Variants in ATP10A observed in about 807,000 individuals in gnomAD.
The protein encoded by ATP10A is phospholipid-transporting ATPase VA.
Under a neutral mutation model 147.8 loss-of-function variants are expected in ATP10A, and 111 were observed. The ratio of observed to expected loss-of-function variants is 0.75; its 90% CI spans 0.64 to 0.88. The LOEUF (loss-of-function observed/expected upper bound fraction) is 0.88. ATP10A is among the 40% of genes least tolerant of loss of function. The pLI, the probability that ATP10A is intolerant of heterozygous loss-of-function variation, is 0.00. For synonymous variants in ATP10A, 875 were observed against 841.6 expected (o/e 1.04, Z -0.69); for missense variants, 1,927 against 1,959.0 (o/e 0.98, Z 0.31).
At chr15:25,819,442 C>A (rs901285588) in intron 1 of ATP10A, among the ~76,000 whole-genome samples, 1 of 151,876 alleles carries the variant, frequency 6.6e-6, no homozygotes, top group Non-Finnish European at 1.5e-5. Flanking sequence ...GGTGAGACTG[C>A]AGAGAAAAGG....
At chr15:25,808,083 T>G (rs919005427) in intron 1 of ATP10A, among the ~76,000 whole-genome samples, 1 of 152,252 alleles carries the variant, frequency 6.6e-6, no homozygotes, top group Non-Finnish European at 1.5e-5. Context: ...ATTTAACTCT[T>G]TGTTTTCATG....
In ATP10A at chr15:25,862,709, C is replaced by T; in HGVS notation, c.388G>A (p.Asp130Asn). The T allele has an allele frequency of 6.2e-7, 1 of 1,610,912 alleles. No individual in the cohort carries two copies. Among genetic ancestry groups the T allele is most frequent in the Non-Finnish European group, 8.5e-7 (1 of 1,178,482 alleles). ...TGGTCGGAGCGGTGGCGGCTGTAGTCCTCCCACAGGTCCCTGAAGGCCGTG... is the reference window on the plus strand; with the variant it reads ...TGGTCGGAGCGGTGGCGGCTGTAGTTCTCCCACAGGTCCCTGAAGGCCGTG... ...AITAFRDLWE[D>N]YSRHRSDHKI... Residue 130 changes from aspartate (D) to asparagine (N), a missense_variant, in exon 1 of 21, where the codon GAC becomes AAC. Asp to Asn is a conservative substitution (Grantham distance 23). Transcript: ENST00000555815.
intron 2 of ATP10A, among the ~76,000 whole-genome samples, chr15:25,764,363 G>A (rs991771180): frequency 3.3e-5 from 5 of 152,194 alleles, no homozygotes; most frequent in Admixed American, 1.3e-4. Context: ...TAGAATGTAT[G>A]TGTTTGAGTC....
At chr15:25,810,780 G>A (rs943104853) in intron 1 of ATP10A, among the ~76,000 whole-genome samples, 6 of 152,094 alleles carry the variant, frequency 3.9e-5, no homozygotes, top group Non-Finnish European at 5.9e-5. Context: ...ATTCCAACAC[G>A]AGGAATCGAG....
At chr15:25,702,148 C>T (rs779824620) in intron 12 of ATP10A, 48 bp from the exon 13 acceptor site, 55 of 1,555,172 alleles carry the variant, frequency 3.5e-5, no homozygotes, top group South Asian at 6.1e-5. Context: ...TCACGTGCCC[C>T]CCAATCCTTC....
At position 25,781,165 on chromosome 15, in the gene ATP10A, G is replaced by A. The variant is rs1567379263; in HGVS notation, c.508C>T (p.Arg170Cys). ...WKEIHVGDFV[R>C]LRCNEIFPAD... ...GGGAAGATTTCGTTGCAGCGAAGACGCACAAAGTCTCCCACGTGGATTTCT... is the reference window on the plus strand; with the variant it reads ...GGGAAGATTTCGTTGCAGCGAAGACACACAAAGTCTCCCACGTGGATTTCT... Residue 170 changes from arginine (R) to cysteine (C), a missense_variant, in exon 2 of 21, where the codon CGT (arginine) becomes TGT (cysteine). By Grantham distance (180) the Arg-to-Cys change is radical (BLOSUM62 -3). Coordinates refer to ENST00000555815, the MANE Select transcript of ATP10A (RefSeq NM_024490.4). 2.5e-6 allele frequency: 4 copies of A among 1,614,060 alleles called. No individual in the cohort carries two copies. The highest frequency in any genetic ancestry group is 3.4e-6 in the Non-Finnish European group (4 of 1,180,050).
chr15:25,852,991 T>C (rs1375445394), intron 1 of ATP10A, among the ~76,000 whole-genome samples: 1 of 152,236 alleles, frequency 6.6e-6, no homozygotes. Flanking sequence ...AGGAGAAGTT[T>C]TCCTCTAGCC....
At chr15:25,759,231 A>G (rs1888621222) in intron 2 of ATP10A, among the ~76,000 whole-genome samples, 3 of 152,178 alleles carry the variant, frequency 2.0e-5, no homozygotes, top group Non-Finnish European at 2.9e-5. Flanking sequence ...CCAAAACTTT[A>G]TATATAACAA....
intron 1 of ATP10A, among the ~76,000 whole-genome samples, chr15:25,816,224 G>C (rs1891648563): frequency 1.4e-5 from 1 of 73,064 alleles, no homozygotes; most frequent in African/African-American, 4.7e-5. Context: ...TCTGGGTTTT[G>C]TTTTATTTTG....
At position 25,762,772 on chromosome 15, in the gene ATP10A, G is replaced by A. The variant is rs150034900; in HGVS notation, c.654+18247C>T. 3.1e-3 allele frequency among the ~76,000 whole-genome samples: 474 copies of A among 152,090 alleles called. 4 individuals carry two copies. The highest frequency in any genetic ancestry group is 0.011 in the African/African-American group (455 of 41,476). ...GTTGTAAATTTTCTGTAGAGACAAGGTTTTGCTACGTTGCCCAGGCTGGTC... is the reference window on the plus strand; with the variant it reads ...GTTGTAAATTTTCTGTAGAGACAAGATTTTGCTACGTTGCCCAGGCTGGTC... On this transcript the variant is annotated intron_variant, in intron 2 of 20. Transcript: ENST00000555815.
chr15:25,706,509 T>TGCATGACCAGCCC (rs1318506692), intron 12 of ATP10A, among the ~76,000 whole-genome samples: 5 of 152,196 alleles, frequency 3.3e-5, no homozygotes, highest in African/African-American at 1.2e-4. Context: ...CCGATCAGCC[T>TGCATGACCAGCCC]GCATGACCAG....
At chr15:25,685,009 G>A (rs1235623811) in intron 16 of ATP10A, among the ~76,000 whole-genome samples, 1 of 152,074 alleles carries the variant, frequency 6.6e-6, no homozygotes, top group South Asian at 2.1e-4. Context: ...CACTCCTACG[G>A]CTGGCTCTCG....
intron 2 of ATP10A, among the ~76,000 whole-genome samples, chr15:25,773,818 CCACACACA>C (rs56751876): frequency 0.031 from 4,312 of 137,726 alleles, 68 homozygotes; most frequent in Non-Finnish European, 0.038. Flanking sequence ...ACCTAAACAT[CCACACACA>C]CACACACACA....
downstream of ATP10A, among the ~76,000 whole-genome samples, chr15:25,673,545 G>A (rs1362227097): frequency 6.6e-6 from 1 of 152,132 alleles, no homozygotes; most frequent in Non-Finnish European, 1.5e-5. Flanking sequence ...AACTGGACCC[G>A]ACAGCTGGGG....
At chr15:25,771,334 C>G (rs964202681) in intron 2 of ATP10A, among the ~76,000 whole-genome samples, 4 of 152,106 alleles carry the variant, frequency 2.6e-5, no homozygotes, top group African/African-American at 9.7e-5. Context: ...CTTTGAGAGG[C>G]TAATGTAGGA....
chr15:25,734,501 G>A (rs1887151007), intron 3 of ATP10A, among the ~76,000 whole-genome samples: 1 of 152,158 alleles, frequency 6.6e-6, no homozygotes, highest in African/African-American at 2.4e-5. Flanking sequence ...GCCAACTCGT[G>A]CCTGGGGATT....
intron 2 of ATP10A, among the ~76,000 whole-genome samples, chr15:25,777,096 C>CGCGTGT (rs1555468164): frequency 2.0e-5 from 3 of 149,698 alleles, no homozygotes; most frequent in Non-Finnish European, 4.4e-5. Flanking sequence ...TGCATACGTG[C>CGCGTGT]GTGTGTGTGT....
intron 19 of ATP10A, among the ~76,000 whole-genome samples, chr15:25,680,565 G>C (rs1484166590): frequency 6.6e-6 from 1 of 152,140 alleles, no homozygotes; most frequent in Non-Finnish European, 1.5e-5. Context: ...AGAATGTGGT[G>C]GTGGAAGCGG....
At chr15:25,697,294 C>T (rs1184625621) in intron 13 of ATP10A, among the ~76,000 whole-genome samples, 5 of 152,184 alleles carry the variant, frequency 3.3e-5, no homozygotes, top group Non-Finnish European at 7.3e-5. Flanking sequence ...CCAAACCCCA[C>T]AGGGTTGATC....
Sources: gnomAD v4.1 joint callset for allele counts (sites outside exome capture counted in the v4.1 genomes callset) on GRCh38, gnomAD v4.1.1 for gene constraint, MANE v1.5 for transcripts, NCBI Gene and HGNC (gene_info 2026-07-23, HGNC 2026-07-21) for gene names.